Variants in WDFY3 observed in about 807,000 individuals in gnomAD.
The protein encoded by WDFY3 is WD repeat and FYVE domain containing 3.
A neutral mutation model predicts 409.6 loss-of-function variants in WDFY3; 66 were observed. The observed-to-expected ratio is 0.16, with a 90% confidence interval of 0.13 to 0.20. The LOEUF (loss-of-function observed/expected upper bound fraction) is 0.20. WDFY3 is among the 10% of genes least tolerant of loss of function. The pLI is 1.00. For missense variants in WDFY3, 3,031 were observed against 4,298.1 expected, an observed-to-expected ratio of 0.71 and a Z score of 8.24; for synonymous variants, 1,521 against 1,537.1, an observed-to-expected ratio of 0.99 and a Z score of 0.25.
At chr4:84,905,658 T>C (rs1167169134) in intron 2 of WDFY3, among the ~76,000 whole-genome samples, 1 of 152,216 alleles carries the variant, frequency 6.6e-6, no homozygotes, top group Non-Finnish European at 1.5e-5. Flanking sequence ...TAACAGAAAC[T>C]ATAGTATGTA....
chr4:84,783,028 T>C lies in WDFY3; in HGVS notation c.4109A>G (p.His1370Arg). Reference sequence around the variant, plus strand: ...TCCATTAAGATGTCCTGCTGAATTGTGTATCAACTTCACAGGAGTGGCATT... The same window carrying C: ...TCCATTAAGATGTCCTGCTGAATTGCGTATCAACTTCACAGGAGTGGCATT... Reference protein sequence around the residue: ...HENATPVKLIHNSAGHLNGSA... With the variant: ...HENATPVKLIRNSAGHLNGSA... Residue 1370 changes from histidine (H) to arginine (R), a missense_variant, in exon 25 of 68, where the codon CAC becomes CGC. His to Arg is a conservative substitution (Grantham distance 29). Transcript: ENST00000295888. 6.2e-7 allele frequency: 1 copy of C among 1,614,184 alleles called. No homozygotes were observed. The highest frequency in any genetic ancestry group is 1.1e-5 in the South Asian group (1 of 91,086).
At chr4:84,798,303 GA>G (rs1749863660) in intron 17 of WDFY3, among the ~76,000 whole-genome samples, 195 bp from the exon 18 acceptor site, 1 of 151,568 alleles carries the variant, frequency 6.6e-6, no homozygotes, top group African/African-American at 2.4e-5. Flanking sequence ...ATATTTTTTA[GA>G]ATGTTTTTTA....
chr4:84,793,425 T>C (rs1470420420), intron 21 of WDFY3, among the ~76,000 whole-genome samples: 1 of 151,764 alleles, frequency 6.6e-6, no homozygotes, highest in Non-Finnish European at 1.5e-5. Context: ...CATAGACAAA[T>C]GAAAAAAAAA....
intron 4 of WDFY3, among the ~76,000 whole-genome samples, chr4:84,850,928 G>GTTTGTTTTTTTT (rs1758865613): frequency 2.2e-5 from 1 of 46,220 alleles, no homozygotes; most frequent in Non-Finnish European, 3.9e-5. Context: ...TTATTTATCT[G>GTTTGTTTTTTTT]TTTTTTTTTT....
At chr4:84,687,441 C>A (rs1459436112) in intron 62 of WDFY3, among the ~76,000 whole-genome samples, 1 of 152,092 alleles carries the variant, frequency 6.6e-6, no homozygotes, top group Non-Finnish European at 1.5e-5. Context: ...CCATGCCCGG[C>A]CAATTTCTAA....
At chr4:84,953,311 G>A (rs1773842520) in intron 1 of WDFY3, among the ~76,000 whole-genome samples, 2 of 151,924 alleles carry the variant, frequency 1.3e-5, no homozygotes, top group South Asian at 4.2e-4. Flanking sequence ...AATGGGAGAG[G>A]TGTCTCAAAA....
At chr4:84,794,781 T>A in intron 20 of WDFY3, 44 bp from the exon 21 acceptor site, 1 of 1,530,040 alleles carries the variant, frequency 6.5e-7, no homozygotes. Context: ...GATTAATATT[T>A]ATATTTTTTA....
chr4:84,772,580 C>T (rs1002328459), intron 30 of WDFY3, among the ~76,000 whole-genome samples: 1 of 152,010 alleles, frequency 6.6e-6, no homozygotes. Flanking sequence ...AGAAACATTG[C>T]TATGAATACT....
In WDFY3 at chr4:84,872,194, C is replaced by T. The variant is rs182639923; in HGVS notation, c.-31-11572G>A. The stretch of plus-strand genomic sequence containing the variant: ...ATTAAGTTTAATATGCTGCCAGGCG[C>T]GGTGGCTCATTCCTGAAATCTCAGC... On this transcript the variant is annotated intron_variant, in intron 3 of 67. Coordinates refer to ENST00000295888, the MANE Select transcript of WDFY3 (RefSeq NM_014991.6). 1.9e-3 allele frequency among the ~76,000 whole-genome samples: 291 copies of T among 151,938 alleles called. 2 individuals carry two copies. Among genetic ancestry groups the T allele is most frequent in the African/African-American group, 6.6e-3 (274 of 41,406 alleles).
At chr4:84,866,553 T>C (rs186368339) in intron 3 of WDFY3, among the ~76,000 whole-genome samples, 1 of 152,346 alleles carries the variant, frequency 6.6e-6, no homozygotes, top group East Asian at 1.9e-4. Context: ...GCTCAGGCCA[T>C]CCCTTCATCT....
intron 4 of WDFY3, among the ~76,000 whole-genome samples, chr4:84,859,307 G>C (rs760602208): frequency 2.1e-4 from 32 of 152,280 alleles, no homozygotes; most frequent in Non-Finnish European, 4.3e-4. Flanking sequence ...GAAAGGATGA[G>C]GAGGGCAGCA....
At chr4:84,794,195 T>C (rs1043536563) in intron 21 of WDFY3, among the ~76,000 whole-genome samples, 1 of 152,212 alleles carries the variant, frequency 6.6e-6, no homozygotes, top group African/African-American at 2.4e-5. Context: ...TGAATATTAA[T>C]TAATTAAGCA....
intron 51 of WDFY3, among the ~76,000 whole-genome samples, chr4:84,711,320 T>C (rs1486119988): frequency 6.6e-6 from 1 of 151,970 alleles, no homozygotes; most frequent in Non-Finnish European, 1.5e-5. Context: ...AAAAGCAAAA[T>C]TTAGAGGAAA....
intron 56 of WDFY3, among the ~76,000 whole-genome samples, chr4:84,701,741 G>A (rs1731099044): frequency 6.6e-6 from 1 of 152,100 alleles, no homozygotes; most frequent in African/African-American, 2.4e-5. Context: ...TATAAATGCT[G>A]ATTTGGTCCT....
intron 64 of WDFY3, among the ~76,000 whole-genome samples, chr4:84,680,979 T>C (rs1318766882): frequency 3.3e-5 from 5 of 152,224 alleles, no homozygotes; most frequent in African/African-American, 9.6e-5. Flanking sequence ...GCCTGCTTCC[T>C]ACTCAGTAGG....
At chr4:84,738,268 T>C (rs1441218831) in intron 40 of WDFY3, among the ~76,000 whole-genome samples, 1 of 151,280 alleles carries the variant, frequency 6.6e-6, no homozygotes, top group Non-Finnish European at 1.5e-5. Flanking sequence ...CAATATGCAA[T>C]CCTTACAGGA....
intron 56 of WDFY3, among the ~76,000 whole-genome samples, chr4:84,698,348 A>C (rs1730492020): frequency 6.7e-6 from 1 of 149,882 alleles, no homozygotes; most frequent in African/African-American, 2.5e-5. Flanking sequence ...GCAGTGGTAT[A>C]ATCATGGCTC....
chr4:84,748,167 A>G (rs960894451), intron 36 of WDFY3, among the ~76,000 whole-genome samples: 6 of 152,198 alleles, frequency 3.9e-5, no homozygotes, highest in Non-Finnish European at 8.8e-5. Flanking sequence ...GGGCACTGAT[A>G]AACAGGAGCT....
At position 84,708,906 on chromosome 4, in the gene WDFY3, T is replaced by C; in HGVS notation, c.8217+3A>G. 1.2e-6 allele frequency: 2 copies of C among 1,610,504 alleles called. No individual in the cohort carries two copies. Among genetic ancestry groups the C allele is most frequent in the South Asian group, 1.1e-5 (1 of 90,544 alleles). ...TACGTAAGCAAAATGACTTAAGATTTACCTCTGAGTCATAATCTGCAAGGA... is the reference window on the plus strand; with the variant it reads ...TACGTAAGCAAAATGACTTAAGATTCACCTCTGAGTCATAATCTGCAAGGA... On this transcript the variant is annotated splice_donor_region_variant and intron_variant, in intron 53 of 67. Transcript: ENST00000295888.
Sources: gnomAD v4.1 joint callset for allele counts (sites outside exome capture counted in the v4.1 genomes callset) on GRCh38, gnomAD v4.1.1 for gene constraint, MANE v1.5 for transcripts, NCBI Gene and HGNC (gene_info 2026-07-23, HGNC 2026-07-21) for gene names.